The following CLCN5 variants were observed in gnomAD, a reference collection of about 807,000 sequenced individuals.
CLCN5 encodes H(+)/Cl(-) exchange transporter 5.
A neutral mutation model predicts 54.0 loss-of-function variants in CLCN5; 17 were observed. The ratio of observed to expected loss-of-function variants is 0.31; its 90% CI spans 0.22 to 0.47. CLCN5 has a LOEUF of 0.47. Among genes scored for constraint, CLCN5 ranks in the 20% least tolerant of loss-of-function variants. The pLI is 1.00. For synonymous variants in CLCN5, 222 were observed against 233.0 expected (o/e 0.95, Z 0.43); for missense variants, 448 against 646.7 (o/e 0.69, Z 3.33).
In CLCN5 at chrX:50,042,451, G is replaced by A. The variant is rs1318459336; in HGVS notation, c.152G>A (p.Arg51Gln). Residue 51 changes from arginine (R) to glutamine (Q), a missense_variant, in exon 4 of 15, where the codon CGA (arginine) becomes CAA (glutamine). Physicochemically the swap from Arg to Gln is conservative, Grantham distance 43 (BLOSUM62 1). Around this residue, in one of 5 missense-constraint regions of CLCN5, gnomAD observed 69 missense variants for 60.9 expected, o/e 1.13. Transcript: ENST00000376091. ...SMRDDVPPLD[R>Q]EVGEDKSYNG... ...AGAGATGATGTTCCTCCCTTAGACC[G>A]AGAAGTAGGAGGTATCATTATTGGT... The A allele has an allele frequency of 1.2e-5, 13 of 1,050,963 alleles. No homozygotes were observed. The highest frequency in any genetic ancestry group is 1.4e-5 in the Non-Finnish European group (11 of 796,234). 86.6% of individuals were successfully genotyped at this position (1,050,963 alleles called of 1,213,427 possible).
chrX:50,071,352 C>T (rs1158094670), intron 5 of CLCN5, among the ~76,000 whole-genome samples: 1 of 112,123 alleles, frequency 8.9e-6, no homozygotes, highest in Non-Finnish European at 1.9e-5. Flanking sequence ...AACATATACA[C>T]ATATTCTTTC....
At chrX:49,988,878 G>A (rs1249163889) in intron 3 of CLCN5, among the ~76,000 whole-genome samples, 2 of 110,102 alleles carry the variant, frequency 1.8e-5, no homozygotes, top group East Asian at 2.9e-4. Context: ...CAGCTTTGCC[G>A]CCTGTTCGTT....
At chrX:49,969,953 A>G (rs1220589347) in intron 3 of CLCN5, among the ~76,000 whole-genome samples, 2 of 111,278 alleles carry the variant, frequency 1.8e-5, no homozygotes, top group Non-Finnish European at 3.8e-5. Flanking sequence ...CATGTTTAGG[A>G]TTACTATGTA....
At chrX:50,089,533 G>A (rs1197581982) in intron 12 of CLCN5, among the ~76,000 whole-genome samples, 2 of 111,975 alleles carry the variant, frequency 1.8e-5, no homozygotes, top group Non-Finnish European at 3.8e-5. Flanking sequence ...TTCCACAATG[G>A]CATGTATTTT....
chrX:50,090,978 T>C (rs781991045), intron 14 of CLCN5, 92 bp downstream of exon 14: 2 of 728,476 alleles, frequency 2.7e-6, no homozygotes, highest in Admixed American at 5.1e-5. Context: ...CCAGTTTAAA[T>C]GAACATTAGT....
chrX:50,081,839 C>T lies in CLCN5; in HGVS notation c.925C>T (p.Arg309Cys), dbSNP rs782056386. 99 of 1,204,543 alleles carry T rather than the reference C, an allele frequency of 8.2e-5. No individual in the cohort carries two copies. Among genetic ancestry groups the T allele is most frequent in the Non-Finnish European group, 9.0e-5 (80 of 891,127 alleles). The change falls in exon 9 of 15, where the codon CGC becomes TGC. Residue 309 changes from arginine to cysteine, a missense_variant. Around this residue, in one of 5 missense-constraint regions of CLCN5, gnomAD observed 297 missense variants for 470.4 expected, o/e 0.63. Transcript: ENST00000376091. Reference protein sequence around the residue: ...FNKYRKNEAKRREVLSAAAAA... With the variant: ...FNKYRKNEAKCREVLSAAAAA... ...CAAATACAGGAAGAATGAAGCCAAGCGCAGAGAGGTAATAATGAATGGCCT... is the reference window on the plus strand; with the variant it reads ...CAAATACAGGAAGAATGAAGCCAAGTGCAGAGAGGTAATAATGAATGGCCT...
At chrX:49,940,625 G>C (rs183828941) in intron 3 of CLCN5, among the ~76,000 whole-genome samples, 1 of 112,518 alleles carries the variant, frequency 8.9e-6, no homozygotes, top group Non-Finnish European at 1.9e-5. Context: ...CTTCCACACA[G>C]AAGATACAAA....
chrX:49,923,792 C>T (rs562661346), intron 2 of CLCN5: 1 of 112,424 alleles, frequency 8.9e-6, no homozygotes, highest in Admixed American at 9.4e-5. Context: ...GTCCAAAGCA[C>T]TGTCTTTTCT....
Position 49,928,522 on chromosome X carries a change from G to T in CLCN5, c.16+3208G>T, listed in dbSNP as rs899980235. On this transcript the variant is annotated intron_variant, in intron 3 of 14. Coordinates refer to ENST00000376091, the MANE Select transcript of CLCN5 (RefSeq NM_001127898.4). The stretch of plus-strand genomic sequence containing the variant: ...ATTATTTTCTTATAACCTGGGGTGG[G>T]ACTGGGACCTTGTTCTGTGGAGGTA... 2.7e-5 allele frequency among the ~76,000 whole-genome samples: 3 copies of T among 112,095 alleles called. No homozygotes were observed. In the Admixed American group the frequency reaches 2.8e-4, roughly 11 times the overall value.
chrX:50,053,752 A>G (rs1162039905), intron 4 of CLCN5, among the ~76,000 whole-genome samples: 11 of 111,922 alleles, frequency 9.8e-5, no homozygotes, highest in Non-Finnish European at 2.1e-4. Flanking sequence ...TTGTCTTGAG[A>G]CATTTTGACT....
At chrX:49,988,501 C>T (rs1929084074) in intron 3 of CLCN5, among the ~76,000 whole-genome samples, 1 of 111,234 alleles carries the variant, frequency 9.0e-6, no homozygotes. Flanking sequence ...AATCTTGCCT[C>T]ACCTCATTTA....
At chrX:49,945,685 A>G (rs1372749216) in intron 3 of CLCN5, among the ~76,000 whole-genome samples, 1 of 93,234 alleles carries the variant, frequency 1.1e-5, no homozygotes, top group East Asian at 3.3e-4. Context: ...CGATCTCCTG[A>G]CCTCATGATC....
At chrX:50,077,594 A>AAGAG (rs371525683) in intron 7 of CLCN5, among the ~76,000 whole-genome samples, 21 of 68,786 alleles carry the variant, frequency 3.1e-4, no homozygotes, top group East Asian at 9.0e-4. Context: ...GTGGGTGTGA[A>AAGAG]AGAGAGAGAG....
intron 3 of CLCN5, among the ~76,000 whole-genome samples, chrX:50,032,658 C>T (rs1305166072): frequency 9.2e-6 from 1 of 108,791 alleles, no homozygotes; most frequent in Non-Finnish European, 1.9e-5. Context: ...AATTTTCTCC[C>T]ATTTTGTAGG....
intron 3 of CLCN5, among the ~76,000 whole-genome samples, chrX:49,984,405 A>T (rs1193339960): frequency 8.9e-6 from 1 of 111,855 alleles, no homozygotes; most frequent in Admixed American, 9.5e-5. Flanking sequence ...CAGGTTTAGT[A>T]ATCAAGCTGA....
At chrX:50,023,542 G>A (rs1186702187) in intron 3 of CLCN5, among the ~76,000 whole-genome samples, 3 of 26,204 alleles carry the variant, frequency 1.1e-4, no homozygotes, top group Non-Finnish European at 1.6e-4. Context: ...TGGTTATTTT[G>A]CTCATTAGTT....
At chrX:50,034,116 T>C (rs781921889) in intron 3 of CLCN5, among the ~76,000 whole-genome samples, 9 of 112,343 alleles carry the variant, frequency 8.0e-5, no homozygotes, top group African/African-American at 2.9e-4. Context: ...GAGATTAACA[T>C]GCAAGATTTG....
chrX:50,009,839 C>T (rs149202543), intron 3 of CLCN5: 11,216 of 374,339 alleles, frequency 0.03, 176 homozygotes, highest in Non-Finnish European at 0.043. Flanking sequence ...ATCTGTATGT[C>T]ACCTCTCAGC....
intron 4 of CLCN5, among the ~76,000 whole-genome samples, chrX:50,062,190 C>G (rs1298774456): frequency 1.2e-3 from 112 of 90,362 alleles, no homozygotes; most frequent in Middle Eastern, 5.7e-3. Flanking sequence ...ACTAAATTCT[C>G]CAATTAAAAG....
Sources: gnomAD v4.1 joint callset for allele counts (sites outside exome capture counted in the v4.1 genomes callset) on GRCh38, gnomAD v4.1.1 for gene constraint, gnomAD v4.1.1 regional missense constraint, MANE v1.5 for transcripts, NCBI Gene and HGNC (gene_info 2026-07-23, HGNC 2026-07-21) for gene names.